WWC1: variants seen among roughly 807,000 people sequenced by gnomAD.
WWC1 encodes the protein WW and C2 domain containing 1.
Under a neutral mutation model 138.4 loss-of-function variants are expected in WWC1, and 55 were observed. The ratio of observed to expected loss-of-function variants is 0.40; its 90% CI spans 0.32 to 0.50. WWC1 has a LOEUF of 0.50. Ranked by LOEUF, WWC1 falls within the 20% of genes least tolerant of loss-of-function variation. The probability of loss-of-function intolerance (pLI) is 0.72; values close to 1 mark genes in which losing one functional copy is unlikely to be tolerated. For synonymous variants in WWC1, 524 were observed against 564.9 expected (o/e 0.93, Z 1.03); for missense variants, 1,226 against 1,420.4 (o/e 0.86, Z 2.20).
At chr5:168,399,411 C>T in intron 4 of WWC1, 77 bp from the exon 5 acceptor site, 1 of 1,535,960 alleles carries the variant, frequency 6.5e-7, no homozygotes, top group Non-Finnish European at 9.0e-7. Context: ...CTCTGGGTTC[C>T]CTTTCCAGGG....
chr5:168,341,829 C>A (rs1396820531), intron 1 of WWC1, among the ~76,000 whole-genome samples: 2 of 152,198 alleles, frequency 1.3e-5, no homozygotes, highest in Admixed American at 1.3e-4. Flanking sequence ...GTGATTCACC[C>A]ACAGATAACG....
At chr5:168,389,240 A>T (rs1289922882) in intron 3 of WWC1, among the ~76,000 whole-genome samples, 2 of 151,968 alleles carry the variant, frequency 1.3e-5, no homozygotes, top group African/African-American at 4.8e-5. Context: ...CGAGGTCAGG[A>T]GATCGAGACC....
chr5:168,448,770 C>T (rs541752517), intron 17 of WWC1, among the ~76,000 whole-genome samples: 8 of 152,130 alleles, frequency 5.3e-5, no homozygotes, highest in Non-Finnish European at 8.8e-5. Context: ...AGGCACCTGC[C>T]GCCATGCCCA....
In WWC1 at chr5:168,414,877, C is replaced by G. The variant is rs12520079; in HGVS notation, c.1184+287C>G. Reference sequence around the variant, plus strand: ...TCTGACTCAATTAAGCCACATAACTCTATATAACTTAAAGCAGTCATTTTC... The same window carrying G: ...TCTGACTCAATTAAGCCACATAACTGTATATAACTTAAAGCAGTCATTTTC... On this transcript the variant is annotated intron_variant, in intron 9 of 22. Coordinates refer to ENST00000265293, the MANE Select transcript of WWC1 (RefSeq NM_015238.3). 4.6e-5 allele frequency: 13 copies of G among 284,532 alleles called. No individual in the cohort carries two copies. The African/African-American group carries it at 8.8e-4, about 19-fold the overall frequency. 17.6% of individuals were successfully genotyped at this position (284,532 alleles called of 1,614,324 possible).
At chr5:168,392,988 G>T (rs1442684294) in intron 3 of WWC1, among the ~76,000 whole-genome samples, 1 of 151,396 alleles carries the variant, frequency 6.6e-6, no homozygotes, top group Non-Finnish European at 1.5e-5. Flanking sequence ...AACCTTCAGA[G>T]AATAAAAAAG....
At chr5:168,344,394 C>T (rs4976545) in intron 1 of WWC1, among the ~76,000 whole-genome samples, 17,737 of 152,128 alleles carry the variant, frequency 0.12, 1,649 homozygotes, top group East Asian at 0.43. Flanking sequence ...GTTATGGGGT[C>T]TTGGGCACAT....
Position 168,385,215 on chromosome 5 carries a change from C to G in WWC1, c.234C>G (p.Thr78=), listed in dbSNP as rs758863684. The change falls in exon 3 of 23, where the codon ACC becomes ACG. Residue 78 remains threonine (T), a synonymous_variant. Coordinates refer to ENST00000265293, the MANE Select transcript of WWC1 (RefSeq NM_015238.3). Reference sequence around the variant, plus strand: ...AATCTCTGGGGTCTGTTCCAGAAACCACTCAGATTGAGGATCCTCGAGTAC... The same window carrying G: ...AATCTCTGGGGTCTGTTCCAGAAACGACTCAGATTGAGGATCCTCGAGTAC... ...GDYFIDHNTK[T]TQIEDPRVQW... is the part of the protein sequence containing the mutation. 4 of 1,614,080 alleles carry G rather than the reference C, an allele frequency of 2.5e-6. No individual in the cohort carries two copies. In the South Asian group the frequency reaches 4.4e-5, roughly 18 times the overall value.
At chr5:168,383,182 C>CAA (rs67923145) in intron 2 of WWC1, among the ~76,000 whole-genome samples, 7 of 106,660 alleles carry the variant, frequency 6.6e-5, no homozygotes, top group African/African-American at 2.4e-4. Context: ...ATCTCAAAAA[C>CAA]AAAAAAAAAA....
At position 168,454,037 on chromosome 5, in the gene WWC1, GGGA is replaced by G. The variant is rs201870717; in HGVS notation, c.2597_2599del (p.Gly866del). 4,708 of 1,592,840 alleles carry G rather than the reference GGGA, an allele frequency of 3.0e-3. 107 individuals carry two copies. The African/African-American group carries it at 0.056, about 19-fold the overall frequency. On this transcript the variant is annotated inframe_deletion, in exon 18 of 23. Coordinates refer to ENST00000265293, the MANE Select transcript of WWC1 (RefSeq NM_015238.3). ...AGGAGGAGGAGGTGGAGGAGGAGGA[GGGA>G]GAAGAGGATGTTTTCACCGAGAAAG...
At chr5:168,340,485 C>G (rs756320898) in intron 1 of WWC1, among the ~76,000 whole-genome samples, 1 of 151,226 alleles carries the variant, frequency 6.6e-6, no homozygotes. Flanking sequence ...CAGTCATCCC[C>G]CAATCTTCAC....
rs534277257 is a variant in WWC1, at chr5:168,438,238, A to G, written c.2281-3444A>G. 2.7e-4 allele frequency among the ~76,000 whole-genome samples: 41 copies of G among 152,156 alleles called. No individual in the cohort carries two copies. The South Asian group carries it at 7.7e-3, about 29-fold the overall frequency. On this transcript the variant is annotated intron_variant, in intron 15 of 22. Transcript: ENST00000265293. ...CCCTGCCACGTTCCAGTGCATCTTG[A>G]TGAATTGTAGCCCCCATAATCCCCA...
rs1453286174 is a variant in WWC1 at position 168,423,523 on chromosome 5, T to A, written c.1275-10T>A. On this transcript the variant is annotated splice_polypyrimidine_tract_variant and intron_variant, in intron 10 of 22. Coordinates refer to ENST00000265293, the MANE Select transcript of WWC1 (RefSeq NM_015238.3). Reference sequence around the variant, plus strand: ...TGCATCTCACTGTCCTTCCCCTCCCTGTGTCCCAGTCTCTCAAGCAGCATG... The same window carrying A: ...TGCATCTCACTGTCCTTCCCCTCCCAGTGTCCCAGTCTCTCAAGCAGCATG... The A allele has an allele frequency of 6.2e-7, 1 of 1,603,014 alleles. No homozygotes were observed. The highest frequency in any genetic ancestry group is 1.7e-5 in the Admixed American group (1 of 59,256).
chr5:168,317,191 GCT>G (rs1009822748), intron 1 of WWC1, among the ~76,000 whole-genome samples: 3 of 152,270 alleles, frequency 2.0e-5, no homozygotes, highest in Non-Finnish European at 4.4e-5. Flanking sequence ...TTCAGTCTGG[GCT>G]CTCTGACTTC....
chr5:168,301,052 G>A (rs1197928147), intron 1 of WWC1, among the ~76,000 whole-genome samples: 6 of 152,134 alleles, frequency 3.9e-5, no homozygotes, highest in Non-Finnish European at 8.8e-5. Flanking sequence ...TGGTGATAAT[G>A]GTGATAAATA....
In WWC1 at chr5:168,469,125, A is replaced by G. The variant is rs1757554980; in HGVS notation, c.*108A>G. 1.5e-6 allele frequency: 2 copies of G among 1,360,914 alleles called. No homozygotes were observed. The highest frequency in any genetic ancestry group is 1.4e-5 in the African/African-American group (1 of 69,994). 84.3% of individuals were successfully genotyped at this position (1,360,914 alleles called of 1,614,324 possible). ...GAAGGTACTGAGTCACAAGTCCTCT[A>G]GTGCTCTTGTTGGTTTGAAGATGAA... On this transcript the variant is annotated 3_prime_UTR_variant, in exon 23 of 23. Transcript: ENST00000265293.
chr5:168,297,302 C>T (rs540355182), intron 1 of WWC1, among the ~76,000 whole-genome samples: 2 of 152,256 alleles, frequency 1.3e-5, no homozygotes, highest in South Asian at 2.1e-4. Context: ...CCTTTCTGTT[C>T]GTGAAATCCA....
At chr5:168,326,109 G>C (rs969025966) in intron 1 of WWC1, among the ~76,000 whole-genome samples, 2 of 152,022 alleles carry the variant, frequency 1.3e-5, no homozygotes, top group South Asian at 2.1e-4. Flanking sequence ...GAATAATGCT[G>C]CTAGGAATGT....
chr5:168,341,178 A>G (rs1344122537), intron 1 of WWC1, among the ~76,000 whole-genome samples: 2 of 152,162 alleles, frequency 1.3e-5, no homozygotes, highest in East Asian at 3.9e-4. Flanking sequence ...GAGAGTTGCA[A>G]GGTTCTGGCA....
intron 15 of WWC1, among the ~76,000 whole-genome samples, chr5:168,432,859 C>A (rs926983531): frequency 6.6e-6 from 1 of 152,204 alleles, no homozygotes; most frequent in Non-Finnish European, 1.5e-5. Flanking sequence ...CCGAGCCTCT[C>A]CTGCCTCCAT....
Sources: gnomAD v4.1 joint callset for allele counts (sites outside exome capture counted in the v4.1 genomes callset) on GRCh38, gnomAD v4.1.1 for gene constraint, MANE v1.5 for transcripts, NCBI Gene and HGNC (gene_info 2026-07-23, HGNC 2026-07-21) for gene names.